ATP8B1: variants seen among roughly 807,000 people sequenced by gnomAD.
ATP8B1 encodes phospholipid-transporting ATPase IC.
Under a neutral mutation model 149.9 loss-of-function variants are expected in ATP8B1, and 80 were observed. The ratio of observed to expected loss-of-function variants is 0.53; its 90% CI spans 0.45 to 0.64. The LOEUF (loss-of-function observed/expected upper bound fraction) is 0.64. ATP8B1 is among the 30% of genes least tolerant of loss of function. The probability of loss-of-function intolerance (pLI) is 0.00; values close to 1 mark genes in which losing one functional copy is unlikely to be tolerated. For missense variants in ATP8B1, 1,247 were observed against 1,552.6 expected (o/e 0.80, Z 3.31); for synonymous variants, 536 against 562.8 (o/e 0.95, Z 0.67).
chr18:57,735,967 G>GCCCCCCCCCCCCCCCCCCC (rs59140378), intron 1 of ATP8B1, among the ~76,000 whole-genome samples: 5 of 134,336 alleles, frequency 3.7e-5, no homozygotes, highest in Non-Finnish European at 4.7e-5. Flanking sequence ...CCCATTCCTT[G>GCCCCCCCCCCCCCCCCCCC]CCCCCCCCAC....
intron 12 of ATP8B1, 125 bp downstream of exon 12, chr18:57,691,682 A>G: frequency 1.6e-6 from 2 of 1,248,418 alleles, no homozygotes; most frequent in South Asian, 3.0e-5. Flanking sequence ...TTCTGAAATG[A>G]ACGTGATTTT....
intron 15 of ATP8B1, among the ~76,000 whole-genome samples, chr18:57,680,162 A>G (rs1911860482): frequency 6.6e-6 from 1 of 150,954 alleles, no homozygotes; most frequent in African/African-American, 2.4e-5. Context: ...CTGTAATCCC[A>G]GCTACTCGGG....
At chr18:57,676,834 T>C (rs1911630199) in intron 15 of ATP8B1, among the ~76,000 whole-genome samples, 1 of 151,768 alleles carries the variant, frequency 6.6e-6, no homozygotes, top group Non-Finnish European at 1.5e-5. Context: ...AATTGTCTTC[T>C]ATTCACAACT....
chr18:57,649,840 C>T (rs1909486488), intron 27 of ATP8B1, among the ~76,000 whole-genome samples: 1 of 152,080 alleles, frequency 6.6e-6, no homozygotes, highest in Non-Finnish European at 1.5e-5. Flanking sequence ...TTCCAGCATC[C>T]ATATGAAGCT....
chr18:57,698,999 C>G (rs1314000569), intron 6 of ATP8B1, among the ~76,000 whole-genome samples: 1 of 152,196 alleles, frequency 6.6e-6, no homozygotes, highest in Non-Finnish European at 1.5e-5. Flanking sequence ...CTCCAACATG[C>G]AGAAAGTACT....
rs780877927 is a variant in ATP8B1 at position 57,653,994 on chromosome 18, G to T, written c.3013C>A (p.Gln1005Lys). ...LPVLLMGLLD[Q>K]DVSDKLSLRF... ...CCCTGCTTGTGCGAGGCTCCTACCT[G>T]GTCGAGCAGCCCCATGAGGAGCACG... The change falls in exon 24 of 28, where the codon CAG becomes AAG. Residue 1005 changes from glutamine to lysine, a missense_variant and splice_region_variant. Gln to Lys is a moderately conservative substitution (Grantham distance 53). Coordinates refer to ENST00000648908, the MANE Select transcript of ATP8B1 (RefSeq NM_001374385.1). 1 of 1,613,038 alleles carries T rather than the reference G, an allele frequency of 6.2e-7. No homozygotes were observed. The highest frequency in any genetic ancestry group is 1.1e-5 in the South Asian group (1 of 91,046).
chr18:57,719,709 G>C (rs2079621417), intron 2 of ATP8B1, among the ~76,000 whole-genome samples: 1 of 152,234 alleles, frequency 6.6e-6, no homozygotes, highest in Non-Finnish European at 1.5e-5. Context: ...GCCCAGGCTT[G>C]CTTAGGTAAA....
At chr18:57,689,732 AG>A (rs764076528) in intron 12 of ATP8B1, among the ~76,000 whole-genome samples, 9 of 152,130 alleles carry the variant, frequency 5.9e-5, no homozygotes, top group Admixed American at 3.3e-4. Flanking sequence ...AAATCAAAGC[AG>A]GGGGCCAGGT....
intron 2 of ATP8B1, among the ~76,000 whole-genome samples, chr18:57,716,715 A>T (rs1469056380): frequency 6.6e-6 from 1 of 152,186 alleles, no homozygotes; most frequent in East Asian, 1.9e-4. Context: ...AGAGTGATAG[A>T]CCCCAGTAAA....
chr18:57,798,430 AAAG>A (rs1379281847), intron 1 of ATP8B1, among the ~76,000 whole-genome samples: 1 of 151,734 alleles, frequency 6.6e-6, no homozygotes, highest in African/African-American at 2.4e-5. Context: ...AAAATAGAAA[AAAG>A]AAAAAAAGAA....
chr18:57,773,047 AC>A (rs2080276677), intron 1 of ATP8B1, among the ~76,000 whole-genome samples: 3 of 152,006 alleles, frequency 2.0e-5, no homozygotes, highest in Admixed American at 2.0e-4. Context: ...TACTAAAAAT[AC>A]AAAAATTAGC....
At chr18:57,652,825 T>C (rs2122565935) in intron 24 of ATP8B1, 96 bp from the exon 25 acceptor site, 1 of 1,550,712 alleles carries the variant, frequency 6.4e-7, no homozygotes, top group South Asian at 1.1e-5. Context: ...TGCAGCCTGC[T>C]GTTAAATTTT....
intron 2 of ATP8B1, among the ~76,000 whole-genome samples, chr18:57,725,651 C>A (rs184578051): frequency 6.6e-6 from 1 of 152,236 alleles, no homozygotes; most frequent in East Asian, 1.9e-4. Context: ...CTATAATAAC[C>A]AAAACAACGT....
intron 4 of ATP8B1, among the ~76,000 whole-genome samples, chr18:57,704,331 T>A (rs1402801928): frequency 1.3e-5 from 2 of 152,224 alleles, no homozygotes; most frequent in Non-Finnish European, 2.9e-5. Flanking sequence ...TAACATGAAA[T>A]TTTTTAAAAT....
chr18:57,724,228 A>T (rs1297790459), intron 2 of ATP8B1, among the ~76,000 whole-genome samples: 2 of 147,274 alleles, frequency 1.4e-5, no homozygotes, highest in South Asian at 2.2e-4. Context: ...AGCAATGGCA[A>T]CAAAAGACAA....
intron 1 of ATP8B1, among the ~76,000 whole-genome samples, chr18:57,742,621 C>T (rs1352912938): frequency 3.9e-5 from 6 of 152,022 alleles, no homozygotes; most frequent in Admixed American, 1.3e-4. Context: ...CATTTGAGGC[C>T]AGGAGTTCAA....
intron 17 of ATP8B1, among the ~76,000 whole-genome samples, chr18:57,670,746 G>C (rs922158958): frequency 6.6e-6 from 1 of 151,960 alleles, no homozygotes; most frequent in Non-Finnish European, 1.5e-5. Context: ...TGCTCTTGTC[G>C]CCCAGGCTGG....
chr18:57,713,236 C>T (rs141272466), intron 2 of ATP8B1, among the ~76,000 whole-genome samples: 2,062 of 99,724 alleles, frequency 0.021, 44 homozygotes, highest in African/African-American at 0.055. Context: ...TCCTTCCTTC[C>T]TTCCTTCTTT....
chr18:57,657,821 G>A (rs1910106640), intron 22 of ATP8B1, among the ~76,000 whole-genome samples: 1 of 152,136 alleles, frequency 6.6e-6, no homozygotes, highest in African/African-American at 2.4e-5. Context: ...CCTTCCCGCT[G>A]AGCAGACCAA....
Sources: allele counts gnomAD v4.1 joint callset (sites outside exome capture counted in the v4.1 genomes callset), GRCh38; gene constraint gnomAD v4.1.1; transcripts MANE v1.5; gene names NCBI Gene and HGNC (gene_info 2026-07-23, HGNC 2026-07-21).